Variants in QTRT1 observed in about 807,000 individuals in gnomAD.
QTRT1 encodes the protein TGT, 43-KD subunit.
QTRT1 carries 41 observed loss-of-function variants against 44.0 expected under a neutral mutation model. The observed-to-expected ratio is 0.93, with a 90% CI of 0.73 to 1.21. The LOEUF is 1.21. Among genes scored for constraint, QTRT1 ranks in the 50% most tolerant of loss-of-function variants. QTRT1 has a pLI of 0.00. For synonymous variants in QTRT1, 226 were observed against 237.1 expected, an observed-to-expected ratio of 0.95 and a Z score of 0.43; for missense variants, 542 against 575.8, an observed-to-expected ratio of 0.94 and a Z score of 0.60.
In QTRT1 at chr19:10,712,197, G is replaced by A. The variant is rs1429265877; in HGVS notation, c.683G>A (p.Gly228Glu). ...CGAGACGTGCCTGGCTTCGCCATCG[G>A]GGGCCTGAGCGGGGGTGAGAGCAAG... ...TKRDVPGFAI[G>E]GLSGGESKSQ... Residue 228 changes from glycine (G) to glutamate (E), a missense_variant, in exon 6 of 10, where the codon GGG (glycine) becomes GAG (glutamate). Gly to Glu is a moderately conservative substitution (Grantham distance 98). Coordinates refer to ENST00000250237, the MANE Select transcript of QTRT1 (RefSeq NM_031209.3). The surrounding 1 kb of genome is among the most constrained non-coding windows in gnomAD (Gnocchi z 5.6). 1 of 1,613,688 alleles carries A rather than the reference G, an allele frequency of 6.2e-7. No homozygotes were observed. Among genetic ancestry groups the A allele is most frequent in the Non-Finnish European group, 8.5e-7 (1 of 1,180,044 alleles).
chr19:10,701,650 G>A lies in QTRT1; in HGVS notation c.190G>A (p.Ala64Thr), dbSNP rs766364649. 1 of 1,595,690 alleles carries A rather than the reference G, an allele frequency of 6.3e-7. No individual in the cohort carries two copies. Among genetic ancestry groups the A allele is most frequent in the Non-Finnish European group, 8.5e-7 (1 of 1,172,352 alleles). ...MKGITTEQLD[A>T]LGCRICLGNT... Reference sequence around the variant, plus strand: ...GGGCATCACGACCGAACAGCTGGACGCTCTGGGTTGCCGCATCTGCCTGGG... The same window carrying A: ...GGGCATCACGACCGAACAGCTGGACACTCTGGGTTGCCGCATCTGCCTGGG... The change falls in exon 1 of 10, where the codon GCT (alanine) becomes ACT (threonine). Residue 64 changes from alanine (A) to threonine (T), a missense_variant. Physicochemically the swap from Ala to Thr is moderately conservative, Grantham distance 58. Coordinates refer to ENST00000250237, the MANE Select transcript of QTRT1 (RefSeq NM_031209.3).
chr19:10,707,540 CG>C lies in QTRT1; in HGVS notation c.573del (p.Pro192ArgfsTer26), dbSNP rs1451345584. ...GGACCGGTGCATTGCAGCCCATCAG[CG>C]GCCGGACAAGCAGAACCTCTTCGCC... Reference protein sequence around the residue: ...WLDRCIAAHQRPDKQNLFAII... With the variant: ...WLDRCIAAHQXPDKQNLFAII... On this transcript the variant is annotated frameshift_variant, in exon 5 of 10. Coordinates refer to ENST00000250237, the MANE Select transcript of QTRT1 (RefSeq NM_031209.3). LOFTEE classifies it high-confidence loss of function. 8 of 1,612,944 alleles carry C rather than the reference CG, an allele frequency of 5.0e-6. No homozygotes were observed. Among genetic ancestry groups the C allele is most frequent in the Non-Finnish European group, 6.8e-6 (8 of 1,179,504 alleles).
Position 10,701,647 on chromosome 19 carries a change from G to C in QTRT1, c.187G>C (p.Asp63His). ...GAAGGGCATCACGACCGAACAGCTG[G>C]ACGCTCTGGGTTGCCGCATCTGCCT... ...TMKGITTEQL[D>H]ALGCRICLGN... The change falls in exon 1 of 10, where the codon GAC (aspartate) becomes CAC (histidine). Residue 63 changes from aspartate to histidine, a missense_variant. Coordinates refer to ENST00000250237, the MANE Select transcript of QTRT1 (RefSeq NM_031209.3). 1 of 1,597,856 alleles carries C rather than the reference G, an allele frequency of 6.3e-7. No individual in the cohort carries two copies. The highest frequency in any genetic ancestry group is 8.5e-7 in the Non-Finnish European group (1 of 1,173,394).
At chr19:10,703,062 C>A (rs1216855738) in intron 3 of QTRT1, among the ~76,000 whole-genome samples, 1 of 133,218 alleles carries the variant, frequency 7.5e-6, no homozygotes, top group East Asian at 2.2e-4. Flanking sequence ...AGCCACCACA[C>A]CTGGCTTTTT....
intron 5 of QTRT1, 135 bp downstream of exon 5, chr19:10,707,750 C>A (rs181306246): frequency 1.8e-6 from 1 of 568,178 alleles, no homozygotes; most frequent in Non-Finnish European, 3.1e-6. Context: ...CAAAGGCTCT[C>A]GGGCCACGTG....
rs749781310 is a variant in QTRT1, at chr19:10,713,016, C to T, written c.1035C>T (p.Leu345=). 3.1e-6 allele frequency: 5 copies of T among 1,611,438 alleles called. No homozygotes were observed. Among genetic ancestry groups the T allele is most frequent in the Non-Finnish European group, 4.2e-6 (5 of 1,179,920 alleles). ...HSDNTAALHH[L]TVHNIAYQLQ... ...ACAACACGGCCGCGCTGCACCACCTCACGGTCCACAACATCGCCTACCAGG... is the reference window on the plus strand; with the variant it reads ...ACAACACGGCCGCGCTGCACCACCTTACGGTCCACAACATCGCCTACCAGG... The change falls in exon 9 of 10, where the codon CTC becomes CTT. Residue 345 remains leucine (L), a synonymous_variant. Transcript: ENST00000250237. The surrounding 1 kb of genome is among the most constrained non-coding windows in gnomAD (Gnocchi z 4.3).
rs1304137029 is a variant in QTRT1, at chr19:10,707,368, A to G, written c.518A>G (p.Glu173Gly). The G allele has an allele frequency of 1.2e-6, 2 of 1,614,014 alleles. No individual in the cohort carries two copies. The highest frequency in any genetic ancestry group is 2.2e-5 in the South Asian group (2 of 91,078). The stretch of plus-strand genomic sequence containing the variant: ...ACTGTGACTGGGCCACGTGTGGAGG[A>G]GGCCATGTACAGGTGTGTATATGCT... ...SSTVTGPRVE[E>G]AMYRSIRWLD... The change falls in exon 4 of 10, where the codon GAG (glutamate) becomes GGG (glycine). Residue 173 changes from glutamate (E) to glycine (G), a missense_variant. Glu to Gly is a moderately conservative substitution (Grantham distance 98). Transcript: ENST00000250237.
chr19:10,702,121 C>G lies in QTRT1; in HGVS notation c.318C>G (p.Ser106Arg). 1 of 1,614,122 alleles carries G rather than the reference C, an allele frequency of 6.2e-7. No individual in the cohort carries two copies. Among genetic ancestry groups the G allele is most frequent in the South Asian group, 1.1e-5 (1 of 91,082 alleles). Residue 106 changes from serine (S) to arginine (R), a missense_variant, in exon 3 of 10, where the codon AGC becomes AGG. Coordinates refer to ENST00000250237, the MANE Select transcript of QTRT1 (RefSeq NM_031209.3). ...TGCGGTGGGGTTTCCCTTAGGACAG[C>G]GGCGGTTTCCAGATGGTGTCGCTGG... The part of the protein sequence containing the change: ...MNWPHNLLTD[S>R]GGFQMVSLVS...
Position 10,712,307 on chromosome 19 carries a change from G to T in QTRT1, c.785+8G>T. ...ATATCTGATGGGGGTTGGGTATGTTGTGGATAGGGAAGCCAGAGCCCTACC... is the reference window on the plus strand; with the variant it reads ...ATATCTGATGGGGGTTGGGTATGTTTTGGATAGGGAAGCCAGAGCCCTACC... On this transcript the variant is annotated splice_region_variant and intron_variant, in intron 6 of 9. Coordinates refer to ENST00000250237, the MANE Select transcript of QTRT1 (RefSeq NM_031209.3). This position sits in a 1 kb window ranked among gnomAD's most constrained non-coding sequence, Gnocchi z 5.6. 2 of 1,604,472 alleles carry T rather than the reference G, an allele frequency of 1.2e-6. No homozygotes were observed. The highest frequency in any genetic ancestry group is 2.2e-5 in the South Asian group (2 of 89,432).
In QTRT1 at chr19:10,702,314, G is replaced by T. The variant is rs545806968; in HGVS notation, c.451+60G>T. On this transcript the variant is annotated intron_variant, in intron 3 of 9. Coordinates refer to ENST00000250237, the MANE Select transcript of QTRT1 (RefSeq NM_031209.3). ...GTCTGTCAGGGGGTGAAGTTTACAC[G>T]GGGCCTGTTTTTTAGCTGTTGTGTG... The T allele has an allele frequency of 2.7e-5, 43 of 1,572,588 alleles. No individual in the cohort carries two copies. The South Asian group carries it at 3.5e-4, about 13-fold the overall frequency.
In QTRT1 at chr19:10,712,942, C is replaced by G. The variant is rs745499174; in HGVS notation, c.972-11C>G. 1.9e-6 allele frequency: 3 copies of G among 1,613,100 alleles called. No individual in the cohort carries two copies. ...CCTGGCCGTGCTGAGCTGTCCCCTG[C>G]CGCTCTACAGGCACAGCCGCGCCTT... On this transcript the variant is annotated splice_polypyrimidine_tract_variant and intron_variant, in intron 8 of 9. Transcript: ENST00000250237. This position sits in a 1 kb window ranked among gnomAD's most constrained non-coding sequence, Gnocchi z 5.6.
In QTRT1 at chr19:10,710,391, A is replaced by G. The variant is rs542828292; in HGVS notation, c.647-1770A>G. ...GAGTGCAGTGGCACCATCTCGGCTC[A>G]CTGCAACCTCTGCCTTCTGGTTTCA... On this transcript the variant is annotated intron_variant, in intron 5 of 9. Coordinates refer to ENST00000250237, the MANE Select transcript of QTRT1 (RefSeq NM_031209.3). Among the ~76,000 whole-genome samples the G allele has an allele frequency of 4.6e-5, 7 of 152,004 alleles. No homozygotes were observed. In the East Asian group the frequency reaches 1.4e-3, roughly 30 times the overall value.
rs181941332 is a variant in QTRT1, at chr19:10,712,118, G to A, written c.647-43G>A. 1.6e-3 allele frequency: 2,599 copies of A among 1,609,060 alleles called. 5 individuals are homozygous for A. The highest frequency in any genetic ancestry group is 1.9e-3 in the Non-Finnish European group (2,271 of 1,179,730). On this transcript the variant is annotated intron_variant, in intron 5 of 9. Transcript: ENST00000250237. This position sits in a 1 kb window ranked among gnomAD's most constrained non-coding sequence, Gnocchi z 5.6. ...TGTGTTCTGGGATTGAAGACCAGGC[G>A]CATTTCCTCTTCTGTGGCCCTCACC...
In QTRT1 at chr19:10,711,782, G is replaced by A. The variant is rs1002596031; in HGVS notation, c.647-379G>A. The A allele has an allele frequency of 5.1e-5, 16 of 311,834 alleles. No individual in the cohort carries two copies. In the East Asian group the frequency reaches 1.3e-3, roughly 25 times the overall value. The allele number at this position is 311,834 out of a possible 1,614,324, so 19.3% of individuals were successfully genotyped here. A position where few individuals can be genotyped will look rare whatever the true frequency, so the allele number is the denominator to read the frequency against. The stretch of plus-strand genomic sequence containing the variant: ...TAACATGACAGCTGTTACTCAGCAT[G>A]TGGGATGTTTACTGTTCTCACATCT... On this transcript the variant is annotated intron_variant, in intron 5 of 9. Coordinates refer to ENST00000250237, the MANE Select transcript of QTRT1 (RefSeq NM_031209.3).
At chr19:10,704,180 A>G (rs758774916) in intron 3 of QTRT1, among the ~76,000 whole-genome samples, 17 of 151,826 alleles carry the variant, frequency 1.1e-4, no homozygotes, top group Non-Finnish European at 2.4e-4. Context: ...GTCTCACTAC[A>G]TTATCTGGGC....
chr19:10,712,205 A>G lies in QTRT1; in HGVS notation c.691A>G (p.Ser231Gly). Reference protein sequence around the residue: ...DVPGFAIGGLSGGESKSQFWR... With the variant: ...DVPGFAIGGLGGGESKSQFWR... ...GCCTGGCTTCGCCATCGGGGGCCTGAGCGGGGGTGAGAGCAAGTCGCAGTT... is the reference window on the plus strand; with the variant it reads ...GCCTGGCTTCGCCATCGGGGGCCTGGGCGGGGGTGAGAGCAAGTCGCAGTT... The change falls in exon 6 of 10, where the codon AGC (serine) becomes GGC (glycine). Residue 231 changes from serine to glycine, a missense_variant. Coordinates refer to ENST00000250237, the MANE Select transcript of QTRT1 (RefSeq NM_031209.3). This position sits in a 1 kb window ranked among gnomAD's most constrained non-coding sequence, Gnocchi z 5.6. 1 of 1,613,866 alleles carries G rather than the reference A, an allele frequency of 6.2e-7. No individual in the cohort carries two copies. Among genetic ancestry groups the G allele is most frequent in the Non-Finnish European group, 8.5e-7 (1 of 1,180,034 alleles).
Position 10,707,202 on chromosome 19 carries a change from G to T in QTRT1, c.452-100G>T, listed in dbSNP as rs1395450750. 8 of 1,173,594 alleles carry T rather than the reference G, an allele frequency of 6.8e-6. No individual in the cohort carries two copies. In the East Asian group the frequency reaches 1.9e-4, roughly 27 times the overall value. The allele number at this position is 1,173,594 out of a possible 1,614,324, so 72.7% of individuals were successfully genotyped here. On this transcript the variant is annotated intron_variant, in intron 3 of 9. Transcript: ENST00000250237. ...GGGAGTTAGCAAGACGGGGGATGGG[G>T]GGATGCTCTTGGGGAAGTCCAACTT...
intron 5 of QTRT1, among the ~76,000 whole-genome samples, chr19:10,710,704 C>T (rs2068734934): frequency 6.6e-6 from 1 of 151,776 alleles, no homozygotes; most frequent in Admixed American, 6.6e-5. Flanking sequence ...GGCGGATTAC[C>T]TGAGGTCAGG....
At chr19:10,711,946 A>T in intron 5 of QTRT1, 1 of 617,984 alleles carries the variant, frequency 1.6e-6, no homozygotes, top group Non-Finnish European at 2.9e-6. Context: ...GATCAGCAGT[A>T]GTCCCAGCCC....
Sources: allele counts gnomAD v4.1 joint callset (sites outside exome capture counted in the v4.1 genomes callset), GRCh38; gene constraint gnomAD v4.1.1; non-coding constraint Gnocchi (gnomAD v3.1); transcripts MANE v1.5; gene names NCBI Gene and HGNC (gene_info 2026-07-23, HGNC 2026-07-21).